The following MAP6 variants were observed in gnomAD, a reference collection of about 807,000 sequenced individuals.
The protein encoded by MAP6 is microtubule-associated protein 6.
Under a neutral mutation model 42.4 loss-of-function variants are expected in MAP6, and 26 were observed. That is an observed-to-expected ratio of 0.61 (90% CI 0.45 to 0.85). The LOEUF (loss-of-function observed/expected upper bound fraction) is 0.85. MAP6 is among the 40% of genes least tolerant of loss of function. The probability of loss-of-function intolerance (pLI) is 0.00; values close to 1 mark genes in which losing one functional copy is unlikely to be tolerated. For missense variants in MAP6, 966 were observed against 1,099.0 expected (o/e 0.88, Z 1.71); for synonymous variants, 418 against 443.8 (o/e 0.94, Z 0.73).
intron 1 of MAP6, among the ~76,000 whole-genome samples, chr11:75,657,366 G>A (rs183107958): frequency 1.8e-4 from 27 of 152,224 alleles, no homozygotes; most frequent in Admixed American, 5.9e-4. Context: ...CCGCCTTGGT[G>A]TCCCAAAGTG....
At chr11:75,652,604 G>A (rs771875318) in intron 1 of MAP6, among the ~76,000 whole-genome samples, 3 of 152,082 alleles carry the variant, frequency 2.0e-5, no homozygotes, top group Non-Finnish European at 4.4e-5. Flanking sequence ...TTAAGAGGCC[G>A]AGGTGGGTGG....
intron 1 of MAP6, among the ~76,000 whole-genome samples, chr11:75,625,985 G>A (rs966456698): frequency 6.6e-6 from 1 of 152,120 alleles, no homozygotes; most frequent in African/African-American, 2.4e-5. Flanking sequence ...CCTGGTCTTT[G>A]CTTATATTGC....
In MAP6 at chr11:75,646,786, G is replaced by C. The variant is rs951004533; in HGVS notation, c.905+20679C>G. 2.6e-5 allele frequency among the ~76,000 whole-genome samples: 4 copies of C among 151,914 alleles called. No individual in the cohort carries two copies. The South Asian group carries it at 8.3e-4, about 32-fold the overall frequency. ...CTGCACTCCAGCGTGCGCAACAAGA[G>C]CAAAACTCCATCTCAAAAAAAAGAA... On this transcript the variant is annotated intron_variant, in intron 1 of 3. Coordinates refer to ENST00000304771, the MANE Select transcript of MAP6 (RefSeq NM_033063.2).
At chr11:75,599,851 C>T (rs1418714148) in intron 3 of MAP6, among the ~76,000 whole-genome samples, 1 of 152,222 alleles carries the variant, frequency 6.6e-6, no homozygotes, top group Non-Finnish European at 1.5e-5. Flanking sequence ...TGGCAGGTGT[C>T]CCCTCCTCTT....
intron 1 of MAP6, among the ~76,000 whole-genome samples, chr11:75,632,406 A>T (rs1943297653): frequency 6.6e-6 from 1 of 152,214 alleles, no homozygotes; most frequent in African/African-American, 2.4e-5. Context: ...CAATGTCTGT[A>T]TAAGGTCTCT....
Position 75,588,039 on chromosome 11 carries a change from C to T in MAP6, c.1462G>A (p.Val488Met), listed in dbSNP as rs1330987586. Residue 488 changes from valine to methionine, a missense_variant, in exon 4 of 4, where the codon GTG (valine) becomes ATG (methionine). This residue lies in a region of MAP6 where 943 missense variants were observed against 1,049.9 expected (regional missense o/e 0.90). Transcript: ENST00000304771. The part of the protein sequence containing the change: ...VQEPLKKQGS[V>M]VPGPPKDLGP... Reference sequence around the variant, plus strand: ...AGATCCTTTGGAGGCCCTGGGACCACAGAACCTTGCTTCTTCAGAGGCTCT... The same window carrying T: ...AGATCCTTTGGAGGCCCTGGGACCATAGAACCTTGCTTCTTCAGAGGCTCT... 10 of 1,613,886 alleles carry T rather than the reference C, an allele frequency of 6.2e-6. No individual in the cohort carries two copies. The highest frequency in any genetic ancestry group is 1.3e-5 in the African/African-American group (1 of 74,898).
chr11:75,646,239 A>C lies in MAP6; in HGVS notation c.905+21226T>G, dbSNP rs184485930. Among the ~76,000 whole-genome samples the C allele has an allele frequency of 4.1e-3, 629 of 152,262 alleles. 5 individuals carry two copies. Among genetic ancestry groups the C allele is most frequent in the African/African-American group, 0.015 (605 of 41,546 alleles). On this transcript the variant is annotated intron_variant, in intron 1 of 3. Coordinates refer to ENST00000304771, the MANE Select transcript of MAP6 (RefSeq NM_033063.2). ...CAGCATACCATAGAATGGTATCTTC[A>C]AAGTGCTAAGAAAACATTATTGTCT...
At chr11:75,631,569 T>C (rs1436308884) in intron 1 of MAP6, among the ~76,000 whole-genome samples, 1 of 152,218 alleles carries the variant, frequency 6.6e-6, no homozygotes, top group Non-Finnish European at 1.5e-5. Context: ...GTCAAGTGGC[T>C]GTCTCAGCTA....
chr11:75,599,710 G>A lies in MAP6; in HGVS notation c.1316+6098C>T, dbSNP rs546028578. 6.0e-4 allele frequency among the ~76,000 whole-genome samples: 92 copies of A among 152,290 alleles called. 1 individual carries two copies. The highest frequency in any genetic ancestry group is 1.9e-3 in the African/African-American group (77 of 41,556). ...GTATGGGCTTAGTTTTTATTGGGGGGTCCCACTTGTCTGAAACCTGATTCT... is the reference window on the plus strand; with the variant it reads ...GTATGGGCTTAGTTTTTATTGGGGGATCCCACTTGTCTGAAACCTGATTCT... On this transcript the variant is annotated intron_variant, in intron 3 of 3. Coordinates refer to ENST00000304771, the MANE Select transcript of MAP6 (RefSeq NM_033063.2).
intron 1 of MAP6, among the ~76,000 whole-genome samples, chr11:75,640,313 A>G (rs561277763): frequency 6.6e-6 from 1 of 152,256 alleles, no homozygotes; most frequent in Non-Finnish European, 1.5e-5. Flanking sequence ...ATACTGCAAG[A>G]ACAATTGCTA....
chr11:75,601,800 C>G (rs1203207303), intron 3 of MAP6, among the ~76,000 whole-genome samples: 6 of 151,238 alleles, frequency 4.0e-5, no homozygotes, highest in Non-Finnish European at 8.8e-5. Flanking sequence ...CCCCCCAGAA[C>G]TGAAGTTCAC....
chr11:75,647,347 C>G (rs373611668), intron 1 of MAP6, among the ~76,000 whole-genome samples: 3 of 44,186 alleles, frequency 6.8e-5, no homozygotes, highest in Non-Finnish European at 8.7e-5. Context: ...CCCACCTGAT[C>G]AAAAAAAAAA....
At chr11:75,650,447 T>C (rs1056805531) in intron 1 of MAP6, among the ~76,000 whole-genome samples, 5 of 152,222 alleles carry the variant, frequency 3.3e-5, no homozygotes, top group Admixed American at 3.3e-4. Context: ...TAATTAGTTA[T>C]TGAAATGCAC....
At chr11:75,599,225 G>A (rs968003704) in intron 3 of MAP6, among the ~76,000 whole-genome samples, 2 of 152,052 alleles carry the variant, frequency 1.3e-5, no homozygotes, top group African/African-American at 4.8e-5. Flanking sequence ...GCCATCTGTC[G>A]AGATCACTAT....
chr11:75,623,322 TGA>T (rs1460066926), intron 1 of MAP6, among the ~76,000 whole-genome samples: 1 of 151,960 alleles, frequency 6.6e-6, no homozygotes, highest in Non-Finnish European at 1.5e-5. Context: ...GGCTTGTGAG[TGA>T]GAGGGAGGAT....
intron 1 of MAP6, among the ~76,000 whole-genome samples, chr11:75,654,805 T>C (rs1236354205): frequency 6.6e-6 from 1 of 152,200 alleles, no homozygotes; most frequent in Non-Finnish European, 1.5e-5. Flanking sequence ...ACCCCCATTT[T>C]ATTGATGAGA....
At chr11:75,626,296 C>T (rs1943193110) in intron 1 of MAP6, among the ~76,000 whole-genome samples, 1 of 152,168 alleles carries the variant, frequency 6.6e-6, no homozygotes, top group South Asian at 2.1e-4. Context: ...GACATCTGAA[C>T]ACTTTCATTT....
intron 3 of MAP6, among the ~76,000 whole-genome samples, chr11:75,592,897 G>A (rs79963751): frequency 0.044 from 6,742 of 152,100 alleles, 249 homozygotes; most frequent in Middle Eastern, 0.088. Context: ...CCTTCGGCAC[G>A]CCCTGCTCCT....
At chr11:75,613,109 C>CT (rs1472714484) in intron 1 of MAP6, among the ~76,000 whole-genome samples, 1 of 152,234 alleles carries the variant, frequency 6.6e-6, no homozygotes, top group African/African-American at 2.4e-5. Context: ...ACACCCTGTG[C>CT]TGCCACCCAG....
Sources: gnomAD v4.1 joint callset for allele counts (sites outside exome capture counted in the v4.1 genomes callset) on GRCh38, gnomAD v4.1.1 for gene constraint, gnomAD v4.1.1 regional missense constraint, MANE v1.5 for transcripts, NCBI Gene and HGNC (gene_info 2026-07-23, HGNC 2026-07-21) for gene names.